Variants in MGA observed in about 807,000 individuals in gnomAD.
MGA encodes the protein MAX dimerization protein MGA, also known as MAX gene-associated protein.
Under a neutral mutation model 261.1 loss-of-function variants are expected in MGA, and 40 were observed. The observed-to-expected ratio is 0.15, with a 90% CI of 0.12 to 0.20. The LOEUF (loss-of-function observed/expected upper bound fraction) is 0.20, where lower values mean the gene tolerates loss of function less well. Ranked by LOEUF, MGA falls within the 10% of genes least tolerant of loss-of-function variation. The pLI, the probability that MGA is intolerant of heterozygous loss-of-function variation, is 1.00. For missense variants in MGA, 3,397 were observed against 3,630.5 expected, an observed-to-expected ratio of 0.94 and a Z score of 1.65; for synonymous variants, 1,302 against 1,290.6, an observed-to-expected ratio of 1.01 and a Z score of -0.19.
chr15:41,656,357 T>TCTCTCTCTCTCTCTCTC, upstream of MGA, among the ~76,000 whole-genome samples: 1 of 126,534 alleles, frequency 7.9e-6, no homozygotes, highest in Non-Finnish European at 1.8e-5. Flanking sequence ...TCTCTCTCTC[T>TCTCTCTCTCTCTCTCTC]CTCTCTCTCT....
chr15:41,696,914 C>T lies in MGA; in HGVS notation c.1904C>T (p.Ser635Phe). The change falls in exon 3 of 24, where the codon TCT becomes TTT. Residue 635 changes from serine to phenylalanine, a missense_variant. Ser to Phe is a radical substitution (Grantham distance 155). Transcript: ENST00000219905. Reference sequence around the variant, plus strand: ...CGACCACCTAAGAACACAGGAAAGTCTTTAATTTCTACAAAGAATACACCT... The same window carrying T: ...CGACCACCTAAGAACACAGGAAAGTTTTTAATTTCTACAAAGAATACACCT... 8 of 1,600,370 alleles carry T rather than the reference C, an allele frequency of 5.0e-6. No homozygotes were observed. Among genetic ancestry groups the T allele is most frequent in the Non-Finnish European group, 6.8e-6 (8 of 1,173,018 alleles).
intron 2 of MGA, among the ~76,000 whole-genome samples, chr15:41,687,310 A>T (rs1300378499): frequency 1.3e-5 from 2 of 152,188 alleles, no homozygotes; most frequent in African/African-American, 4.8e-5. Context: ...TTGGGGAAAA[A>T]AAATAGTTAT....
chr15:41,712,648 A>G (rs868415596), intron 8 of MGA, among the ~76,000 whole-genome samples: 4 of 152,134 alleles, frequency 2.6e-5, no homozygotes, highest in African/African-American at 4.8e-5. Context: ...ACTTTTATTT[A>G]TGTATTGTCC....
Position 41,710,873 on chromosome 15 carries a change from A to G in MGA, c.2608A>G (p.Ser870Gly), listed in dbSNP as rs778982059. 1.2e-6 allele frequency: 2 copies of G among 1,613,938 alleles called. No individual in the cohort carries two copies. Among genetic ancestry groups the G allele is most frequent in the South Asian group, 2.2e-5 (2 of 91,080 alleles). ...TACCAGTTATGTACGAACACTTGATAGTGTACTAAAGAAGCAATCTACTAT... is the reference window on the plus strand; with the variant it reads ...TACCAGTTATGTACGAACACTTGATGGTGTACTAAAGAAGCAATCTACTAT... Residue 870 changes from serine (S) to glycine (G), a missense_variant, in exon 8 of 24, where the codon AGT (serine) becomes GGT (glycine). Coordinates refer to ENST00000219905, the MANE Select transcript of MGA (RefSeq NM_001164273.2).
chr15:41,767,538 T>C lies in MGA; in HGVS notation c.*258T>C, dbSNP rs2063861831. The C allele has an allele frequency of 2.1e-6, 1 of 484,434 alleles. No individual in the cohort carries two copies. The highest frequency in any genetic ancestry group is 3.5e-5 in the Admixed American group (1 of 28,294). 30.0% of individuals were successfully genotyped at this position (484,434 alleles called of 1,614,324 possible). A position where few individuals can be genotyped will look rare whatever the true frequency, so the allele number is the denominator to read the frequency against. ...TCTCTAAGAAGATGTGATCCATTAC[T>C]GAACATGAGGTGCCCCTCTTACCCA... On this transcript the variant is annotated 3_prime_UTR_variant, in exon 24 of 24. Transcript: ENST00000219905.
rs1171390266 is a variant in MGA at position 41,769,205 on chromosome 15, A to G, written c.*1925A>G. Reference sequence around the variant, plus strand: ...CCCTACATTTCCTCCTGATTTCCCAAGACTCTCTTTGTGGCTTTTGAGGGT... The same window carrying G: ...CCCTACATTTCCTCCTGATTTCCCAGGACTCTCTTTGTGGCTTTTGAGGGT... On this transcript the variant is annotated 3_prime_UTR_variant, in exon 24 of 24. Coordinates refer to ENST00000219905, the MANE Select transcript of MGA (RefSeq NM_001164273.2). 6.6e-6 allele frequency: 1 copy of G among 152,368 alleles called. No individual in the cohort carries two copies. Among genetic ancestry groups the G allele is most frequent in the Non-Finnish European group, 1.5e-5 (1 of 68,030 alleles). The allele number at this position is 152,368 out of a possible 1,614,324, so 9.4% of individuals were successfully genotyped here.
At chr15:41,758,629 C>A (rs1242213151) in intron 19 of MGA, among the ~76,000 whole-genome samples, 1 of 152,046 alleles carries the variant, frequency 6.6e-6, no homozygotes, top group Non-Finnish European at 1.5e-5. Context: ...TTGTTTTGTA[C>A]CCAAATAATT....
chr15:41,621,846 G>A (rs377674170), intron 1 of MGA, among the ~76,000 whole-genome samples: 2 of 152,214 alleles, frequency 1.3e-5, no homozygotes, highest in African/African-American at 2.4e-5. Context: ...CGGCCTGAGC[G>A]GTCTTTCGAA....
intron 1 of MGA, among the ~76,000 whole-genome samples, chr15:41,667,843 A>C (rs910056679): frequency 1.2e-4 from 18 of 152,034 alleles, no homozygotes; most frequent in African/African-American, 3.4e-4. Flanking sequence ...TTTCCCTGTC[A>C]CCCAGGCTGG....
At chr15:41,661,879 C>T (rs1403602936) in intron 1 of MGA, among the ~76,000 whole-genome samples, 1 of 152,154 alleles carries the variant, frequency 6.6e-6, no homozygotes, top group African/African-American at 2.4e-5. Flanking sequence ...CAGAACGCGG[C>T]TGGGTCCCGC....
chr15:41,681,518 A>ACTGCAGCCTCAACCTTC (rs1229262886), intron 2 of MGA, among the ~76,000 whole-genome samples: 1 of 151,532 alleles, frequency 6.6e-6, no homozygotes, highest in Non-Finnish European at 1.5e-5. Flanking sequence ...GTGGGTGATC[A>ACTGCAGCCTCAACCTTC]CAGTTCACTG....
intron 1 of MGA, among the ~76,000 whole-genome samples, chr15:41,645,517 G>C (rs1239800023): frequency 1.3e-5 from 2 of 152,224 alleles, no homozygotes; most frequent in Non-Finnish European, 2.9e-5. Context: ...CTGGGAGGTG[G>C]AGGTTGCAGT....
chr15:41,697,562 G>A (rs535891120), intron 3 of MGA, among the ~76,000 whole-genome samples: 2 of 152,010 alleles, frequency 1.3e-5, no homozygotes, highest in Admixed American at 6.6e-5. Context: ...GATTACAGGC[G>A]TGTGCCACCA....
At chr15:41,627,285 C>T (rs1046177797) in intron 1 of MGA, among the ~76,000 whole-genome samples, 10 of 152,168 alleles carry the variant, frequency 6.6e-5, no homozygotes, top group Admixed American at 6.6e-4. Flanking sequence ...TATCTAATGT[C>T]ACTTTCTTGT....
At chr15:41,741,120 G>A (rs901977843) in intron 14 of MGA, among the ~76,000 whole-genome samples, 99 of 152,104 alleles carry the variant, frequency 6.5e-4, no homozygotes, top group African/African-American at 2.1e-3. Flanking sequence ...AGGCCGAGGC[G>A]GGTGGATCAC....
Position 41,737,837 on chromosome 15 carries a change from C to T in MGA, c.4434+1139C>T, listed in dbSNP as rs147344897. Among the ~76,000 whole-genome samples the T allele has an allele frequency of 6.6e-5, 10 of 151,756 alleles. 1 individual carries two copies. Among genetic ancestry groups the T allele is most frequent in the South Asian group, 4.2e-4 (2 of 4,796 alleles). ...TCTACTAAAAATAAAAAAGTTAGCC[C>T]GGCGTGGTGGCGCGCGCCTGTAATC... On this transcript the variant is annotated intron_variant, in intron 13 of 23. Coordinates refer to ENST00000219905, the MANE Select transcript of MGA (RefSeq NM_001164273.2).
upstream of MGA, among the ~76,000 whole-genome samples, chr15:41,658,316 C>T (rs2057249665): frequency 6.6e-6 from 1 of 152,134 alleles, no homozygotes; most frequent in South Asian, 2.1e-4. Context: ...CATTCTTAAA[C>T]CTTCGGTTAT....
rs373565689 is a variant in MGA, at chr15:41,718,884, T to C, written c.3430+5388T>C. Among the ~76,000 whole-genome samples the C allele has an allele frequency of 3.3e-5, 5 of 152,194 alleles. No homozygotes were observed. The East Asian group carries it at 7.7e-4, about 23-fold the overall frequency. On this transcript the variant is annotated intron_variant, in intron 9 of 23. Transcript: ENST00000219905. ...AATGCCCATTTTTACCACTTCTGTTTAACGTTATGTACAGGAGGTCCTAGC... is the reference window on the plus strand; with the variant it reads ...AATGCCCATTTTTACCACTTCTGTTCAACGTTATGTACAGGAGGTCCTAGC...
In MGA at chr15:41,649,014, G is replaced by T. The variant is rs554430757; in HGVS notation, c.-67-19814G>T. 2.0e-5 allele frequency among the ~76,000 whole-genome samples: 3 copies of T among 152,236 alleles called. No individual in the cohort carries two copies. The South Asian group carries it at 6.2e-4, about 32-fold the overall frequency. On this transcript the variant is annotated intron_variant, in intron 1 of 8. Coordinates refer to the MGA transcript ENST00000566718. ...TGAAGGTGGAATGAAGTGTGTGGGT[G>T]CAAAATGTTTTAAATTGAGTGCTTC...
Sources: allele counts gnomAD v4.1 joint callset (sites outside exome capture counted in the v4.1 genomes callset), GRCh38; gene constraint gnomAD v4.1.1; transcripts MANE v1.5; gene names NCBI Gene and HGNC (gene_info 2026-07-23, HGNC 2026-07-21).